INPP5A: variants seen among roughly 807,000 people sequenced by gnomAD.
INPP5A encodes the protein 43 kDa inositol polyphosphate 5-phophatase.
A neutral mutation model predicts 65.2 loss-of-function variants in INPP5A; 14 were observed. The observed-to-expected ratio is 0.21, with a 90% CI of 0.14 to 0.34. The LOEUF (loss-of-function observed/expected upper bound fraction) is 0.34, where lower values mean the gene tolerates loss of function less well. Among genes scored for constraint, INPP5A ranks in the 10% least tolerant of loss-of-function variants. The pLI, the probability that INPP5A is intolerant of heterozygous loss-of-function variation, is 1.00. For synonymous variants in INPP5A, 207 were observed against 208.3 expected, an observed-to-expected ratio of 0.99 and a Z score of 0.05; for missense variants, 431 against 545.6, an observed-to-expected ratio of 0.79 and a Z score of 2.09.
At chr10:132,773,887 A>C (rs953957860) in intron 12 of INPP5A, among the ~76,000 whole-genome samples, 1 of 152,110 alleles carries the variant, frequency 6.6e-6, no homozygotes, top group African/African-American at 2.4e-5. Context: ...CAGCCTCCCA[A>C]GTAGCTGGGA....
At position 132,697,669 on chromosome 10, in the gene INPP5A, T is replaced by G; in HGVS notation, c.371-147T>G. ...TAGCCGGCCCGCTGGGGGTCTGTTC[T>G]GGGTCGGACCCCTCATCAGGGCCTC... is the stretch of plus-strand genomic sequence containing the variant. On this transcript the variant is annotated intron_variant, in intron 5 of 15. Transcript: ENST00000368594. This position sits in a 1 kb window ranked among gnomAD's most constrained non-coding sequence, Gnocchi z 5.6. The G allele has an allele frequency of 1.6e-6, 1 of 617,504 alleles. No homozygotes were observed. Among genetic ancestry groups the G allele is most frequent in the South Asian group, 1.9e-5 (1 of 53,448 alleles). 38.3% of individuals were successfully genotyped at this position (617,504 alleles called of 1,614,324 possible).
At chr10:132,561,943 C>T (rs757292785) in intron 1 of INPP5A, among the ~76,000 whole-genome samples, 17 of 152,198 alleles carry the variant, frequency 1.1e-4, no homozygotes, top group Non-Finnish European at 2.2e-4. Flanking sequence ...TGGGAGATCC[C>T]GGCAAGATGA....
intron 3 of INPP5A, among the ~76,000 whole-genome samples, chr10:132,646,308 C>G (rs1414975349): frequency 6.6e-6 from 1 of 152,208 alleles, no homozygotes; most frequent in Non-Finnish European, 1.5e-5. Flanking sequence ...GGGTTCACAT[C>G]CCACTGCGCA....
chr10:132,726,767 T>A, intron 8 of INPP5A, 54 bp from the exon 9 acceptor site: 3 of 1,309,804 alleles, frequency 2.3e-6, no homozygotes, highest in Non-Finnish European at 1.1e-6. Flanking sequence ...GGGCCGGGCA[T>A]GAGGGCTGGC....
intron 1 of INPP5A, among the ~76,000 whole-genome samples, chr10:132,556,581 A>G (rs1015065111): frequency 3.6e-4 from 55 of 152,288 alleles, no homozygotes; most frequent in South Asian, 2.1e-4. Flanking sequence ...TGCATACCAC[A>G]TAGGCACACA....
At chr10:132,607,056 C>T (rs984945158) in intron 1 of INPP5A, among the ~76,000 whole-genome samples, 1 of 152,204 alleles carries the variant, frequency 6.6e-6, no homozygotes, top group Non-Finnish European at 1.5e-5. Flanking sequence ...TGAGTGCTCG[C>T]GCTCAGCCTC....
At chr10:132,596,859 AT>A (rs529470425) in intron 1 of INPP5A, among the ~76,000 whole-genome samples, 34,086 of 134,438 alleles carry the variant, frequency 0.25, 4,296 homozygotes, top group East Asian at 0.48. Flanking sequence ...GTGTGTGTGC[AT>A]GTGTGTGCAT....
intron 2 of INPP5A, among the ~76,000 whole-genome samples, chr10:132,641,106 T>C (rs934556296): frequency 5.9e-5 from 9 of 152,262 alleles, no homozygotes; most frequent in African/African-American, 1.9e-4. Flanking sequence ...ATGGCTGTAT[T>C]CTAATTCTAC....
intron 2 of INPP5A, among the ~76,000 whole-genome samples, chr10:132,636,697 C>A (rs2072357355): frequency 6.6e-6 from 1 of 152,152 alleles, no homozygotes; most frequent in African/African-American, 2.4e-5. Flanking sequence ...TCCTGGATTC[C>A]TCAGAAAGGG....
intron 2 of INPP5A, among the ~76,000 whole-genome samples, chr10:132,633,106 G>A (rs998135997): frequency 9.9e-5 from 15 of 152,182 alleles, no homozygotes; most frequent in African/African-American, 3.6e-4. Context: ...TACTTGGTCA[G>A]GTAAAGACAT....
rs1483187570 is a variant in INPP5A, at chr10:132,782,071, T to C, written c.*42T>C. 1.2e-5 allele frequency: 19 copies of C among 1,553,080 alleles called. No homozygotes were observed. The highest frequency in any genetic ancestry group is 1.5e-5 in the Non-Finnish European group (17 of 1,145,728). ...GCCAGCGCCACGAGAGGACACTTCG[T>C]GAGCCTCCCTGTAGCCGTGGACCGA... On this transcript the variant is annotated 3_prime_UTR_variant, in exon 16 of 16. Transcript: ENST00000368594. The surrounding 1 kb of genome is among the most constrained non-coding windows in gnomAD (Gnocchi z 4.4).
At chr10:132,617,391 C>T (rs569194482) in intron 2 of INPP5A, among the ~76,000 whole-genome samples, 7 of 152,240 alleles carry the variant, frequency 4.6e-5, no homozygotes, top group South Asian at 2.1e-4. Flanking sequence ...ACTGCAGGGA[C>T]GAGAGGAAGG....
At chr10:132,752,938 C>T (rs1846522773) in intron 11 of INPP5A, among the ~76,000 whole-genome samples, 3 of 152,124 alleles carry the variant, frequency 2.0e-5, no homozygotes, top group Non-Finnish European at 1.5e-5. Flanking sequence ...GTTGAAGCCA[C>T]GTGAGGCACC....
intron 2 of INPP5A, among the ~76,000 whole-genome samples, chr10:132,618,632 AT>A (rs545460896): frequency 1.5e-4 from 23 of 152,208 alleles, no homozygotes; most frequent in Non-Finnish European, 3.2e-4. Context: ...AGACTGGGTA[AT>A]TTATGAGGGA....
intron 1 of INPP5A, among the ~76,000 whole-genome samples, chr10:132,576,180 C>T (rs150653792): frequency 2.0e-5 from 3 of 152,332 alleles, no homozygotes; most frequent in East Asian, 1.9e-4. Flanking sequence ...GTGAGGGAGC[C>T]GTGGTCCGGG....
rs1479383089 is a variant in INPP5A, at chr10:132,587,663, A to T, written c.76-20252A>T. ...CCGTTCAGAAACGGGGCCTGTAGATAATTGCGTTTTGTGTATGCCATGATT... is the reference window on the plus strand; with the variant it reads ...CCGTTCAGAAACGGGGCCTGTAGATTATTGCGTTTTGTGTATGCCATGATT... On this transcript the variant is annotated intron_variant, in intron 1 of 15. Transcript: ENST00000368594. This position sits in a 1 kb window ranked among gnomAD's most constrained non-coding sequence, Gnocchi z 4.3. 6.6e-6 allele frequency among the ~76,000 whole-genome samples: 1 copy of T among 152,154 alleles called. No homozygotes were observed. The highest frequency in any genetic ancestry group is 1.9e-4 in the East Asian group (1 of 5,202).
rs1057008036 is a variant in INPP5A, at chr10:132,741,106, G to A, written c.733-8411G>A. 1.3e-5 allele frequency among the ~76,000 whole-genome samples: 2 copies of A among 152,128 alleles called. No homozygotes were observed. Among genetic ancestry groups the A allele is most frequent in the Admixed American group, 6.5e-5 (1 of 15,278 alleles). On this transcript the variant is annotated intron_variant, in intron 9 of 15. Transcript: ENST00000368594. This position sits in a 1 kb window ranked among gnomAD's most constrained non-coding sequence, Gnocchi z 4.4. Reference sequence around the variant, plus strand: ...AAATTAGCCAGGCATTGTGGGGCACGCCTGTAGTCCCAGATACTCAGGAGG... The same window carrying A: ...AAATTAGCCAGGCATTGTGGGGCACACCTGTAGTCCCAGATACTCAGGAGG...
intron 1 of INPP5A, among the ~76,000 whole-genome samples, chr10:132,567,141 C>T (rs552478812): frequency 2.0e-5 from 3 of 152,174 alleles, no homozygotes; most frequent in Non-Finnish European, 4.4e-5. Flanking sequence ...TCACCAGGAA[C>T]CAGTTCTTCC....
At chr10:132,634,286 TATCATCTCCCTTGGTGGGTGTGCCCC>T (rs2072310840) in intron 2 of INPP5A, among the ~76,000 whole-genome samples, 1 of 149,748 alleles carries the variant, frequency 6.7e-6, no homozygotes, top group African/African-American at 2.5e-5. Context: ...CGGAGAGGCG[TATCATCTCCCTTGGTGGGTGTGCCCC>T]GGAGAGGCGT....
Sources: gnomAD v4.1 joint callset for allele counts (sites outside exome capture counted in the v4.1 genomes callset) on GRCh38, gnomAD v4.1.1 for gene constraint, Gnocchi (gnomAD v3.1) non-coding constraint, MANE v1.5 for transcripts, NCBI Gene and HGNC (gene_info 2026-07-23, HGNC 2026-07-21) for gene names.